Variants in MRTFB observed in about 807,000 individuals in gnomAD.
MRTFB encodes the protein myocardin related transcription factor B.
In MRTFB, 29 loss-of-function variants were observed where a neutral mutation model predicts 104.2. That is an observed-to-expected ratio of 0.28 (90% confidence interval 0.21 to 0.38). The LOEUF (loss-of-function observed/expected upper bound fraction) is 0.38, where lower values mean the gene tolerates loss of function less well. Among genes scored for constraint, MRTFB ranks in the 10% least tolerant of loss-of-function variants. MRTFB has a pLI of 1.00. For synonymous variants in MRTFB, 535 were observed against 519.5 expected, an observed-to-expected ratio of 1.03 and a Z score of -0.41; for missense variants, 1,270 against 1,341.6, an observed-to-expected ratio of 0.95 and a Z score of 0.83.
chr16:14,222,040 A>G (rs1359240239), intron 8 of MRTFB, among the ~76,000 whole-genome samples: 1 of 152,002 alleles, frequency 6.6e-6, no homozygotes, highest in Non-Finnish European at 1.5e-5. Context: ...TCGCCCTCCC[A>G]AAGTGCTGGG....
chr16:14,038,152 T>C, the MRTFB span, among the ~76,000 whole-genome samples: 4 of 152,166 alleles, frequency 2.6e-5, no homozygotes, highest in South Asian at 2.1e-4. Flanking sequence ...CTGAGGCCTC[T>C]GTCCTTGGTA....
intron 3 of MRTFB, among the ~76,000 whole-genome samples, chr16:14,192,228 C>G (rs969440960): frequency 6.6e-6 from 1 of 151,520 alleles, no homozygotes; most frequent in Non-Finnish European, 1.5e-5. Flanking sequence ...AAAAATAAGC[C>G]AGGTGTGCTG....
chr16:14,246,199 G>GT (rs1419332948), intron 11 of MRTFB, among the ~76,000 whole-genome samples: 1 of 152,214 alleles, frequency 6.6e-6, no homozygotes, highest in African/African-American at 2.4e-5. Flanking sequence ...AAATGCAGCT[G>GT]TATCATCATC....
chr16:13,998,871 C>CCA, the MRTFB span, among the ~76,000 whole-genome samples: 2 of 29,654 alleles, frequency 6.7e-5, no homozygotes, highest in Non-Finnish European at 1.6e-4. Flanking sequence ...GACTCTGTTT[C>CCA]AAAAAAAAAA....
At chr16:14,234,828 C>T (rs79274022) in intron 9 of MRTFB, among the ~76,000 whole-genome samples, 16,167 of 152,068 alleles carry the variant, frequency 0.11, 1,846 homozygotes, top group African/African-American at 0.28. Context: ...ACTGGGGCTA[C>T]GCAGAAAGCC....
chr16:14,092,343 A>C lies in MRTFB; in HGVS notation c.-64+12989A>C, dbSNP rs555424684. Among the ~76,000 whole-genome samples, 28 of 152,310 alleles carry C rather than the reference A, an allele frequency of 1.8e-4. No homozygotes were observed. In the South Asian group the frequency reaches 2.3e-3, roughly 12 times the overall value. ...TGAATGAATGCAGGTGACCATGTGCAGTAGGTAGTTAGATTGTTTGATTGG... is the reference window on the plus strand; with the variant it reads ...TGAATGAATGCAGGTGACCATGTGCCGTAGGTAGTTAGATTGTTTGATTGG... On this transcript the variant is annotated intron_variant, in intron 2 of 16. Coordinates refer to ENST00000571589, the MANE Select transcript of MRTFB (RefSeq NM_001308142.2).
At chr16:14,119,843 C>T (rs1284124736) in intron 2 of MRTFB, among the ~76,000 whole-genome samples, 3 of 152,126 alleles carry the variant, frequency 2.0e-5, no homozygotes, top group African/African-American at 7.2e-5. Context: ...CTGAATTTAA[C>T]AGCACCTGCA....
At chr16:14,235,117 C>T (rs556315816) in intron 9 of MRTFB, among the ~76,000 whole-genome samples, 2 of 152,322 alleles carry the variant, frequency 1.3e-5, no homozygotes, top group Admixed American at 6.5e-5. Context: ...TCTCCTGCCT[C>T]CCCAACCTGT....
At chr16:14,136,646 C>A (rs535156672) in intron 2 of MRTFB, among the ~76,000 whole-genome samples, 1 of 152,014 alleles carries the variant, frequency 6.6e-6, no homozygotes, top group Non-Finnish European at 1.5e-5. Flanking sequence ...GCCCAGTAGC[C>A]CAGTATATTT....
intron 8 of MRTFB, among the ~76,000 whole-genome samples, chr16:14,228,694 T>C (rs2042120045): frequency 6.6e-6 from 1 of 152,204 alleles, no homozygotes; most frequent in South Asian, 2.1e-4. Flanking sequence ...GCCAGATGAA[T>C]GGATAAACAA....
At chr16:14,045,488 A>T in the MRTFB span, among the ~76,000 whole-genome samples, 3 of 152,224 alleles carry the variant, frequency 2.0e-5, no homozygotes, top group African/African-American at 7.2e-5. Context: ...TAGAGAACAT[A>T]TATCAGCAGA....
intron 8 of MRTFB, among the ~76,000 whole-genome samples, chr16:14,223,925 C>T (rs1320070452): frequency 3.3e-5 from 5 of 152,120 alleles, no homozygotes; most frequent in Non-Finnish European, 4.4e-5. Flanking sequence ...GTTCTCACAC[C>T]ACTATAAAGA....
At position 14,262,249 on chromosome 16, in the gene MRTFB, A is replaced by T; in HGVS notation, c.*805A>T. 6.6e-6 allele frequency: 1 copy of T among 152,292 alleles called. No homozygotes were observed. Among genetic ancestry groups the T allele is most frequent in the East Asian group, 1.9e-4 (1 of 5,190 alleles). The allele number at this position is 152,292 out of a possible 1,614,324, so 9.4% of individuals were successfully genotyped here. On this transcript the variant is annotated 3_prime_UTR_variant, in exon 17 of 17. Transcript: ENST00000571589. ...TTTGTATGTATGCTCTGACATTGTGATTTGTACAGCCTACGCTGGGGTAAG... is the reference window on the plus strand; with the variant it reads ...TTTGTATGTATGCTCTGACATTGTGTTTTGTACAGCCTACGCTGGGGTAAG...
chr16:14,061,133 A>C, the MRTFB span, among the ~76,000 whole-genome samples: 1 of 152,078 alleles, frequency 6.6e-6, no homozygotes, highest in Non-Finnish European at 1.5e-5. Flanking sequence ...GCGACAGCGC[A>C]AGACTCCGTC....
the MRTFB span, among the ~76,000 whole-genome samples, chr16:14,066,205 C>CT: frequency 2.3e-3 from 350 of 150,960 alleles, 1 homozygote; most frequent in African/African-American, 7.2e-3. Flanking sequence ...TTTAATAGTG[C>CT]TTTTTTTTGG....
At chr16:14,114,751 A>T (rs2036450861) in intron 2 of MRTFB, among the ~76,000 whole-genome samples, 1 of 152,160 alleles carries the variant, frequency 6.6e-6, no homozygotes, top group South Asian at 2.1e-4. Context: ...ATTCCTTTCT[A>T]GTGCATTGGG....
chr16:14,002,628 T>C, the MRTFB span, among the ~76,000 whole-genome samples: 1 of 152,216 alleles, frequency 6.6e-6, no homozygotes, highest in Non-Finnish European at 1.5e-5. Flanking sequence ...CCGTTTATAC[T>C]GGTCAACCAG....
At position 14,177,851 on chromosome 16, in the gene MRTFB, C is replaced by G. The variant is rs1422959056; in HGVS notation, c.155-32392C>G. On this transcript the variant is annotated intron_variant, in intron 3 of 16. Transcript: ENST00000571589. This position sits in a 1 kb window ranked among gnomAD's most constrained non-coding sequence, Gnocchi z 4.7. ...AAAAAGAAAAAGAATGAAAAGAAAACTCATTTAGAAACTATTATTTAGAAA... is the reference window on the plus strand; with the variant it reads ...AAAAAGAAAAAGAATGAAAAGAAAAGTCATTTAGAAACTATTATTTAGAAA... 6.6e-6 allele frequency among the ~76,000 whole-genome samples: 1 copy of G among 151,512 alleles called. No homozygotes were observed. The highest frequency in any genetic ancestry group is 2.1e-4 in the South Asian group (1 of 4,784).
chr16:14,115,932 C>G (rs2036520861), intron 2 of MRTFB, among the ~76,000 whole-genome samples: 1 of 152,310 alleles, frequency 6.6e-6, no homozygotes, highest in South Asian at 2.1e-4. Context: ...TGACTGTCAC[C>G]TGGATCACAG....
Sources: allele counts gnomAD v4.1 joint callset (sites outside exome capture counted in the v4.1 genomes callset), GRCh38; gene constraint gnomAD v4.1.1; non-coding constraint Gnocchi (gnomAD v3.1); transcripts MANE v1.5; gene names NCBI Gene and HGNC (gene_info 2026-07-23, HGNC 2026-07-21).